ARMH3: variants seen among roughly 807,000 people sequenced by gnomAD.
The protein encoded by ARMH3 is armadillo like helical domain containing 3.
Under a neutral mutation model 99.1 loss-of-function variants are expected in ARMH3, and 60 were observed. The observed-to-expected ratio is 0.61, with a 90% confidence interval of 0.49 to 0.75. The LOEUF (loss-of-function observed/expected upper bound fraction) is 0.75. ARMH3 is among the 30% of genes least tolerant of loss of function. The pLI is 0.00. For synonymous variants in ARMH3, 285 were observed against 292.8 expected (o/e 0.97, Z 0.27); for missense variants, 679 against 843.1 (o/e 0.81, Z 2.41).
intron 5 of ARMH3, among the ~76,000 whole-genome samples, chr10:102,027,317 T>C (rs1051691046): frequency 1.3e-5 from 2 of 149,866 alleles, no homozygotes; most frequent in African/African-American, 4.9e-5. Flanking sequence ...AAGGCATCAC[T>C]GTAATAGTTC....
intron 12 of ARMH3, 123 bp from the exon 13 acceptor site, chr10:102,009,572 AG>A: frequency 2.2e-6 from 2 of 893,948 alleles, no homozygotes; most frequent in Non-Finnish European, 3.5e-6. Flanking sequence ...GCATTTCTAA[AG>A]TTCCCCTTTA....
intron 23 of ARMH3, among the ~76,000 whole-genome samples, chr10:101,915,750 C>T (rs1843053254): frequency 6.6e-6 from 1 of 151,256 alleles, no homozygotes; most frequent in African/African-American, 2.4e-5. Context: ...TGGAAGTTGT[C>T]TCTGAAGTTA....
chr10:101,927,078 T>C (rs906981561), intron 23 of ARMH3, among the ~76,000 whole-genome samples: 10 of 152,220 alleles, frequency 6.6e-5, no homozygotes, highest in African/African-American at 2.4e-4. Context: ...ATAATTTTGA[T>C]GCTTACCTAA....
At chr10:101,872,250 CGTGTGTGT>C (rs35739666) in intron 24 of ARMH3, among the ~76,000 whole-genome samples, 2 of 146,466 alleles carry the variant, frequency 1.4e-5, no homozygotes, top group East Asian at 2.0e-4. Flanking sequence ...TGTGTAACAA[CGTGTGTGT>C]GTGTGTGTGT....
chr10:102,002,120 T>C (rs1417810384), intron 14 of ARMH3, 48 bp from the exon 15 acceptor site: 2 of 1,606,180 alleles, frequency 1.2e-6, no homozygotes, highest in Admixed American at 1.7e-5. Context: ...ATATTCCATC[T>C]AACACTTCTA....
At position 101,881,605 on chromosome 10, in the gene ARMH3, T is replaced by A. The variant is rs577321411; in HGVS notation, c.1860+7807A>T. Among the ~76,000 whole-genome samples, 28 of 152,318 alleles carry A rather than the reference T, an allele frequency of 1.8e-4. 2 individuals are homozygous for A. In the Middle Eastern group the frequency reaches 0.034, roughly 185 times the overall value. On this transcript the variant is annotated intron_variant, in intron 24 of 25. Transcript: ENST00000370033. ...AAGATTTACCCAATAGGCCTCATCA[T>A]ATGTCTACCATTGAGGCTGGCTCAT... is the stretch of plus-strand genomic sequence containing the variant.
chr10:101,932,528 C>T (rs918506098), intron 23 of ARMH3, among the ~76,000 whole-genome samples: 20 of 152,108 alleles, frequency 1.3e-4, no homozygotes, highest in African/African-American at 4.6e-4. Context: ...TCCGTTGACA[C>T]GAAAATGGAG....
intron 22 of ARMH3, among the ~76,000 whole-genome samples, chr10:101,947,754 C>T (rs1270142382): frequency 6.6e-6 from 1 of 151,802 alleles, no homozygotes; most frequent in Non-Finnish European, 1.5e-5. Context: ...GAGCCGAGAT[C>T]ATGCCATTGC....
chr10:101,871,526 A>AT (rs923519685), intron 24 of ARMH3, among the ~76,000 whole-genome samples: 107 of 151,738 alleles, frequency 7.1e-4, no homozygotes, highest in Non-Finnish European at 1.2e-3. Flanking sequence ...TGTTCAATTG[A>AT]TTTTTTTTTA....
At chr10:102,012,726 T>C (rs1225682079) in intron 10 of ARMH3, 107 bp downstream of exon 10, 1 of 1,042,290 alleles carries the variant, frequency 9.6e-7, no homozygotes, top group Non-Finnish European at 1.4e-6. Flanking sequence ...TACATCTGAA[T>C]ACTCTTAGAC....
At chr10:101,960,557 T>G (rs945068117) in intron 20 of ARMH3, among the ~76,000 whole-genome samples, 2 of 152,146 alleles carry the variant, frequency 1.3e-5, no homozygotes, top group African/African-American at 4.8e-5. Context: ...AAGCTGGGAC[T>G]AGGACCTTGT....
chr10:102,030,903 G>A (rs1221613625), intron 4 of ARMH3, among the ~76,000 whole-genome samples: 3 of 151,728 alleles, frequency 2.0e-5, no homozygotes, highest in African/African-American at 4.8e-5. Context: ...CCCATGCTTC[G>A]GTCTTCCTAG....
chr10:101,962,970 CTT>C (rs11358645), intron 20 of ARMH3, among the ~76,000 whole-genome samples: 247 of 131,716 alleles, frequency 1.9e-3, no homozygotes, highest in Middle Eastern at 8.0e-3. Context: ...GTCTTTTTTT[CTT>C]TTTTTTTTTT....
chr10:101,926,923 G>A (rs1308415623), intron 23 of ARMH3, among the ~76,000 whole-genome samples: 4 of 152,184 alleles, frequency 2.6e-5, no homozygotes, highest in South Asian at 2.1e-4. Context: ...AAGAACAAAC[G>A]CCCAGGAATG....
intron 19 of ARMH3, among the ~76,000 whole-genome samples, chr10:101,978,202 T>C (rs1390701869): frequency 6.6e-6 from 1 of 151,736 alleles, no homozygotes. Flanking sequence ...TGGAAACAAC[T>C]ATGGAAAGAA....
chr10:101,862,623 T>C (rs558930858), intron 24 of ARMH3, among the ~76,000 whole-genome samples: 2 of 151,962 alleles, frequency 1.3e-5, no homozygotes, highest in African/African-American at 4.8e-5. Context: ...TAAAGATGTA[T>C]ATTGTAAGCC....
At chr10:102,006,150 G>C (rs186122885) in intron 14 of ARMH3, among the ~76,000 whole-genome samples, 1 of 152,158 alleles carries the variant, frequency 6.6e-6, no homozygotes, top group African/African-American at 2.4e-5. Context: ...GGTAACATCA[G>C]ATAACATTAC....
chr10:102,003,560 A>G (rs183676520), intron 14 of ARMH3, among the ~76,000 whole-genome samples: 97 of 152,334 alleles, frequency 6.4e-4, no homozygotes, highest in African/African-American at 1.9e-3. Flanking sequence ...GACACAATAT[A>G]TAAGTTAAAA....
intron 8 of ARMH3, among the ~76,000 whole-genome samples, chr10:102,014,926 G>T (rs1026542191): frequency 1.3e-5 from 2 of 152,078 alleles, no homozygotes; most frequent in African/African-American, 4.8e-5. Context: ...TCTCAGACTG[G>T]CAGTTTCTAC....
Sources: allele counts gnomAD v4.1 joint callset (sites outside exome capture counted in the v4.1 genomes callset), GRCh38; gene constraint gnomAD v4.1.1; transcripts MANE v1.5; gene names NCBI Gene and HGNC (gene_info 2026-07-23, HGNC 2026-07-21).